Variants in FAM114A1 observed in about 807,000 individuals in gnomAD.
FAM114A1 encodes protein NOXP20.
Under a neutral mutation model 64.3 loss-of-function variants are expected in FAM114A1, and 62 were observed. The observed-to-expected ratio is 0.96, with a 90% CI of 0.79 to 1.19. FAM114A1 has a LOEUF of 1.19. Among genes scored for constraint, FAM114A1 ranks in the 50% most tolerant of loss-of-function variants. The pLI, the probability that FAM114A1 is intolerant of heterozygous loss-of-function variation, is 0.00. For synonymous variants in FAM114A1, 254 were observed against 251.1 expected, an observed-to-expected ratio of 1.01 and a Z score of -0.11; for missense variants, 645 against 676.3, an observed-to-expected ratio of 0.95 and a Z score of 0.51.
intron 4 of FAM114A1, among the ~76,000 whole-genome samples, chr4:38,893,166 G>T (rs1716560277): frequency 6.6e-6 from 1 of 152,256 alleles, no homozygotes; most frequent in Admixed American, 6.5e-5. Context: ...GCACCTGCAG[G>T]CATCCTCTGT....
chr4:38,925,048 T>TGTAA (rs1227489479), intron 9 of FAM114A1, among the ~76,000 whole-genome samples: 1 of 152,244 alleles, frequency 6.6e-6, no homozygotes, highest in Non-Finnish European at 1.5e-5. Context: ...AAAATGTTGC[T>TGTAA]GTAAGTGATG....
chr4:38,874,922 GAA>G (rs1714461920), intron 2 of FAM114A1, among the ~76,000 whole-genome samples: 1 of 152,156 alleles, frequency 6.6e-6, no homozygotes, highest in Admixed American at 6.6e-5. Flanking sequence ...ACAATTTATT[GAA>G]TAGGGAGTCC....
At chr4:38,899,213 G>A (rs1398968630) in intron 4 of FAM114A1, among the ~76,000 whole-genome samples, 3 of 151,960 alleles carry the variant, frequency 2.0e-5, no homozygotes, top group Non-Finnish European at 4.4e-5. Context: ...CAAAGGATTG[G>A]GAAGCAAAAC....
In FAM114A1 at chr4:38,920,701, T is replaced by C. The variant is rs186811276; in HGVS notation, c.946-2069T>C. On this transcript the variant is annotated intron_variant, in intron 8 of 14. Coordinates refer to ENST00000358869, the MANE Select transcript of FAM114A1 (RefSeq NM_138389.4). Reference sequence around the variant, plus strand: ...ATGGTATTCAAACACATTTATTCAATAATTAATGTTAGAAAACTGCAGTTT... The same window carrying C: ...ATGGTATTCAAACACATTTATTCAACAATTAATGTTAGAAAACTGCAGTTT... Among the ~76,000 whole-genome samples, 229 of 152,276 alleles carry C rather than the reference T, an allele frequency of 1.5e-3. 1 individual carries two copies. Among genetic ancestry groups the C allele is most frequent in the African/African-American group, 5.3e-3 (220 of 41,552 alleles).
rs949569337 is a variant in FAM114A1, at chr4:38,929,211, T to C, written c.1070-31T>C. On this transcript the variant is annotated intron_variant, in intron 9 of 14. Transcript: ENST00000358869. ...CACATCCTGAAGGATGAAAAATAAATCACGCTTCTTCTGTCGTGTTCTATT... is the reference window on the plus strand; with the variant it reads ...CACATCCTGAAGGATGAAAAATAAACCACGCTTCTTCTGTCGTGTTCTATT... The C allele has an allele frequency of 7.2e-6, 11 of 1,533,636 alleles. No individual in the cohort carries two copies. The Admixed American group carries it at 1.2e-4, about 16-fold the overall frequency.
intron 4 of FAM114A1, among the ~76,000 whole-genome samples, chr4:38,900,843 A>T (rs1717443694): frequency 6.6e-6 from 1 of 152,008 alleles, no homozygotes; most frequent in African/African-American, 2.4e-5. Flanking sequence ...CTGGAGATGG[A>T]TGGTGGTGAT....
chr4:38,927,886 C>T (rs1258060981), intron 9 of FAM114A1, among the ~76,000 whole-genome samples: 2 of 152,028 alleles, frequency 1.3e-5, no homozygotes, highest in Non-Finnish European at 2.9e-5. Context: ...GTTTCACCAT[C>T]TTGGCCAGGC....
intron 8 of FAM114A1, among the ~76,000 whole-genome samples, chr4:38,918,398 G>A (rs1034324053): frequency 2.0e-5 from 3 of 152,122 alleles, no homozygotes; most frequent in African/African-American, 7.2e-5. Context: ...CGCTAGGCCC[G>A]TTCCAAGGTA....
In FAM114A1 at chr4:38,889,332, G is replaced by A. The variant is rs78078833; in HGVS notation, c.349-2411G>A. ...ATGTAGACACCAAAAATGAAAGCAG[G>A]CAGTGATGAGTCATGAATATTTCCA... On this transcript the variant is annotated intron_variant, in intron 3 of 14. Coordinates refer to ENST00000358869, the MANE Select transcript of FAM114A1 (RefSeq NM_138389.4). 2.6e-3 allele frequency among the ~76,000 whole-genome samples: 397 copies of A among 152,244 alleles called. 6 individuals are homozygous for A. The highest frequency in any genetic ancestry group is 0.02 in the Admixed American group (307 of 15,294).
In FAM114A1 at chr4:38,908,557, A is replaced by G. The variant is rs778443296; in HGVS notation, c.658-35A>G. 4.5e-6 allele frequency: 7 copies of G among 1,544,442 alleles called. No individual in the cohort carries two copies. In the Admixed American group the frequency reaches 1.0e-4, roughly 23 times the overall value. ...TGACTGCTGCGAAACAGCAAAACCT[A>G]AACATCTAATCTCATGCAGTTATCT... On this transcript the variant is annotated intron_variant, in intron 6 of 14. Transcript: ENST00000358869.
At chr4:38,890,831 A>G (rs1322062775) in intron 3 of FAM114A1, among the ~76,000 whole-genome samples, 1 of 152,230 alleles carries the variant, frequency 6.6e-6, no homozygotes, top group East Asian at 1.9e-4. Flanking sequence ...AGTGAATAAA[A>G]CATTTAAAAA....
At chr4:38,875,772 G>A (rs1026103034) in intron 2 of FAM114A1, among the ~76,000 whole-genome samples, 14 of 152,054 alleles carry the variant, frequency 9.2e-5, no homozygotes, top group African/African-American at 2.4e-4. Flanking sequence ...TTGCCCCTTC[G>A]GTATGATGTT....
intron 13 of FAM114A1, chr4:38,938,673 A>G (rs529825537): frequency 6.6e-6 from 1 of 152,168 alleles, no homozygotes; most frequent in Non-Finnish European, 1.5e-5. Context: ...ACCGGTTCCT[A>G]AGGCTCTATT....
At chr4:38,924,897 G>A (rs1175026657) in intron 9 of FAM114A1, among the ~76,000 whole-genome samples, 1 of 152,160 alleles carries the variant, frequency 6.6e-6, no homozygotes, top group Non-Finnish European at 1.5e-5. Context: ...CCTATTAAGG[G>A]TGTCATTTAG....
intron 3 of FAM114A1, among the ~76,000 whole-genome samples, chr4:38,891,080 C>A (rs1314445712): frequency 6.6e-6 from 1 of 152,168 alleles, no homozygotes; most frequent in Non-Finnish European, 1.5e-5. Context: ...TCACACTGAA[C>A]CACAGTCTCT....
rs948854481 is a variant in FAM114A1 at position 38,944,298 on chromosome 4, C to A, written c.*741C>A. 2 of 152,076 alleles carry A rather than the reference C, an allele frequency of 1.3e-5. No individual in the cohort carries two copies. Among genetic ancestry groups the A allele is most frequent in the Non-Finnish European group, 2.9e-5 (2 of 68,036 alleles). The allele number at this position is 152,076 out of a possible 1,614,324, so 9.4% of individuals were successfully genotyped here. ...TGTTGGCCAGGATGGTCTCGATCTC[C>A]TGACCTCGTGATCTGCCCGCCTCAG... On this transcript the variant is annotated 3_prime_UTR_variant, in exon 15 of 15. Transcript: ENST00000358869.
chr4:38,870,020 C>A (rs968774060), intron 2 of FAM114A1, among the ~76,000 whole-genome samples: 34 of 152,176 alleles, frequency 2.2e-4, no homozygotes, highest in African/African-American at 7.0e-4. Flanking sequence ...GCATCCAGAT[C>A]AGTTTGTCCA....
Position 38,908,778 on chromosome 4 carries a change from A to T in FAM114A1, c.792+52A>T, listed in dbSNP as rs745731223. The T allele has an allele frequency of 9.6e-6, 14 of 1,456,926 alleles. No homozygotes were observed. In the Admixed American group the frequency reaches 1.2e-4, roughly 13 times the overall value. 90.2% of individuals were successfully genotyped at this position (1,456,926 alleles called of 1,614,324 possible). A position where few individuals can be genotyped will look rare whatever the true frequency, so the allele number is the denominator to read the frequency against. ...TTCTTTCAGTCAATAAAGTAAATAAATTTTTTATTTATCTTTTTGAATAGC... is the reference window on the plus strand; with the variant it reads ...TTCTTTCAGTCAATAAAGTAAATAATTTTTTTATTTATCTTTTTGAATAGC... On this transcript the variant is annotated intron_variant, in intron 7 of 14. Transcript: ENST00000358869.
At chr4:38,898,977 T>A (rs1372148387) in intron 4 of FAM114A1, among the ~76,000 whole-genome samples, 2 of 107,558 alleles carry the variant, frequency 1.9e-5, no homozygotes, top group Non-Finnish European at 4.6e-5. Context: ...ATATATATGT[T>A]ATATATGTAA....
Sources: gnomAD v4.1 joint callset for allele counts (sites outside exome capture counted in the v4.1 genomes callset) on GRCh38, gnomAD v4.1.1 for gene constraint, MANE v1.5 for transcripts, NCBI Gene and HGNC (gene_info 2026-07-23, HGNC 2026-07-21) for gene names.